EVC2: variants seen among roughly 807,000 people sequenced by gnomAD.
EVC2 encodes limbin.
A neutral mutation model predicts 149.3 loss-of-function variants in EVC2; 148 were observed. The observed-to-expected ratio is 0.99, with a 90% CI of 0.87 to 1.14. The LOEUF is 1.14. Ranked by LOEUF, EVC2 falls within the 50% of genes most tolerant of loss-of-function variation. The pLI, the probability that EVC2 is intolerant of heterozygous loss-of-function variation, is 0.00. For missense variants in EVC2, 1,854 were observed against 1,627.3 expected (o/e 1.14, Z -2.40); for synonymous variants, 776 against 649.9 (o/e 1.19, Z -2.95).
At chr4:5,604,944 C>T (rs1031700667) in intron 16 of EVC2, among the ~76,000 whole-genome samples, 4 of 151,966 alleles carry the variant, frequency 2.6e-5, no homozygotes, top group Non-Finnish European at 5.9e-5. Context: ...ACCAATCCTT[C>T]CTCTTACTCC....
intron 9 of EVC2, among the ~76,000 whole-genome samples, chr4:5,646,238 T>G (rs1717700653): frequency 6.6e-6 from 1 of 152,214 alleles, no homozygotes; most frequent in African/African-American, 2.4e-5. Flanking sequence ...GTCTATTTTT[T>G]GATTTTTTAG....
downstream of EVC2, among the ~76,000 whole-genome samples, chr4:5,558,941 C>G (rs556148875): frequency 3.3e-5 from 5 of 152,248 alleles, no homozygotes; most frequent in African/African-American, 1.2e-4. Context: ...ACCTGTAATC[C>G]AAGCACTTTG....
downstream of EVC2, among the ~76,000 whole-genome samples, chr4:5,539,787 ACAC>A (rs1721483168): frequency 6.6e-6 from 1 of 152,184 alleles, no homozygotes; most frequent in Admixed American, 6.5e-5. Flanking sequence ...ACACACACAC[ACAC>A]ACACACACAC....
chr4:5,619,431 G>A (rs182829898), intron 14 of EVC2, among the ~76,000 whole-genome samples: 49 of 152,268 alleles, frequency 3.2e-4, no homozygotes, highest in Admixed American at 2.6e-3. Context: ...GGGGTGAGAC[G>A]TCTACAAGCC....
downstream of EVC2, among the ~76,000 whole-genome samples, chr4:5,560,543 C>T (rs904689878): frequency 2.0e-5 from 3 of 152,062 alleles, no homozygotes; most frequent in Non-Finnish European, 2.9e-5. This position sits in a 1 kb window ranked among gnomAD's most constrained non-coding sequence, Gnocchi z 4.1. Flanking sequence ...CAGGGGAAAC[C>T]GCCCCCATGA....
chr4:5,650,107 G>A (rs767847149), intron 9 of EVC2, among the ~76,000 whole-genome samples: 1 of 152,116 alleles, frequency 6.6e-6, no homozygotes, highest in African/African-American at 2.4e-5. Flanking sequence ...TCTATGTTTA[G>A]AAGTGGGATT....
At chr4:5,550,883 G>A (rs556960132) in intron 21 of EVC2, among the ~76,000 whole-genome samples, 1 of 152,376 alleles carries the variant, frequency 6.6e-6, no homozygotes, top group Admixed American at 6.5e-5. Context: ...GGCCAACATA[G>A]AGCTCAGGCT....
chr4:5,688,731 A>T (rs1720894974), intron 5 of EVC2, among the ~76,000 whole-genome samples: 1 of 152,110 alleles, frequency 6.6e-6, no homozygotes, highest in African/African-American at 2.4e-5. Flanking sequence ...ACTGAGACGG[A>T]TGTCAACCCA....
chr4:5,684,944 C>T (rs940931266), intron 6 of EVC2, among the ~76,000 whole-genome samples: 2 of 152,148 alleles, frequency 1.3e-5, no homozygotes, highest in Non-Finnish European at 2.9e-5. Flanking sequence ...GAATCAGCCC[C>T]GCAGACACCC....
Position 5,563,033 on chromosome 4 carries a change from G to T in EVC2, c.3742C>A (p.Pro1248Thr). 6.2e-7 allele frequency: 1 copy of T among 1,614,178 alleles called. No homozygotes were observed. The highest frequency in any genetic ancestry group is 8.5e-7 in the Non-Finnish European group (1 of 1,180,038). ...GGTACAGGGGCCAGTTCGCCAATGG[G>T]CTCCAGTGACAGGTGTGGCCAACTT... The part of the protein sequence containing the change: ...KGSWPHLSLE[P>T]IGELAPVPIV... The change falls in exon 22 of 22, where the codon CCC (proline) becomes ACC (threonine). Residue 1248 changes from proline (P) to threonine (T), a missense_variant. Pro to Thr is a conservative substitution (Grantham distance 38). Coordinates refer to ENST00000344408, the MANE Select transcript of EVC2 (RefSeq NM_147127.5).
chr4:5,695,253 CA>C, intron 2 of EVC2, among the ~76,000 whole-genome samples: 1 of 151,132 alleles, frequency 6.6e-6, no homozygotes, highest in East Asian at 1.9e-4. Context: ...GAGGGTGAGG[CA>C]GGGGAATCGC....
intron 8 of EVC2, among the ~76,000 whole-genome samples, 165 bp downstream of exon 8, chr4:5,665,350 T>A (rs1227944570): frequency 6.6e-6 from 1 of 151,868 alleles, no homozygotes; most frequent in African/African-American, 2.4e-5. Context: ...TGGGGATGCA[T>A]CCCAGGACAA....
intron 16 of EVC2, among the ~76,000 whole-genome samples, chr4:5,602,509 A>G (rs1038218974): frequency 2.6e-5 from 4 of 152,072 alleles, no homozygotes; most frequent in African/African-American, 9.7e-5. Flanking sequence ...TGATCTAACT[A>G]TGGTGGGGGA....
At chr4:5,707,795 G>A (rs977066497) in intron 1 of EVC2, among the ~76,000 whole-genome samples, 10 of 152,204 alleles carry the variant, frequency 6.6e-5, no homozygotes, top group African/African-American at 2.4e-4. Flanking sequence ...GGTGAAGTAG[G>A]AAGTGGCTAA....
the EVC2 span, among the ~76,000 whole-genome samples, chr4:5,536,550 C>T: frequency 2.4e-3 from 366 of 152,132 alleles, 3 homozygotes; most frequent in East Asian, 0.045. Context: ...TTTGGGAGGC[C>T]AAGGCGGGCA....
intron 9 of EVC2, among the ~76,000 whole-genome samples, chr4:5,642,348 AC>A (rs1200495092): frequency 6.6e-6 from 1 of 151,968 alleles, no homozygotes; most frequent in Non-Finnish European, 1.5e-5. Context: ...CACTATTTAC[AC>A]AGATGCATGC....
At chr4:5,684,478 CT>C (rs894650854) in intron 6 of EVC2, among the ~76,000 whole-genome samples, 2 of 152,120 alleles carry the variant, frequency 1.3e-5, no homozygotes, top group African/African-American at 4.8e-5. Context: ...ATAGGGAAGA[CT>C]TTCTCCAGAG....
chr4:5,662,838 T>G (rs567988922), intron 9 of EVC2, among the ~76,000 whole-genome samples: 1 of 151,832 alleles, frequency 6.6e-6, no homozygotes, highest in Non-Finnish European at 1.5e-5. Context: ...ACCTTCCCAT[T>G]TGCATGGTGG....
At chr4:5,639,867 C>A (rs564506537) in intron 10 of EVC2, among the ~76,000 whole-genome samples, 3 of 150,610 alleles carry the variant, frequency 2.0e-5, no homozygotes, top group African/African-American at 7.3e-5. Flanking sequence ...TCATTTTTTA[C>A]GTGAACTGAT....
Sources: allele counts gnomAD v4.1 joint callset (sites outside exome capture counted in the v4.1 genomes callset), GRCh38; gene constraint gnomAD v4.1.1; non-coding constraint Gnocchi (gnomAD v3.1); transcripts MANE v1.5; gene names NCBI Gene and HGNC (gene_info 2026-07-23, HGNC 2026-07-21).